The following PTPRG variants were observed in gnomAD, a reference collection of about 807,000 sequenced individuals.
The protein encoded by PTPRG is receptor-type tyrosine-protein phosphatase gamma.
A neutral mutation model predicts 165.3 loss-of-function variants in PTPRG; 102 were observed. The ratio of observed to expected loss-of-function variants is 0.62; its 90% CI spans 0.53 to 0.73. PTPRG has a LOEUF of 0.73. Ranked by LOEUF, PTPRG falls within the 30% of genes least tolerant of loss-of-function variation. PTPRG has a pLI of 0.00. For missense variants in PTPRG, 1,866 were observed against 1,861.4 expected (o/e 1.00, Z -0.05); for synonymous variants, 675 against 669.5 (o/e 1.01, Z -0.13).
intron 6 of PTPRG, among the ~76,000 whole-genome samples, chr3:62,140,295 T>C (rs1703874103): frequency 6.6e-6 from 1 of 151,930 alleles, no homozygotes; most frequent in Non-Finnish European, 1.5e-5. Context: ...CCAAGAAAAA[T>C]ATTGACAAAA....
At chr3:62,060,749 GT>G (rs1700781494) in intron 4 of PTPRG, among the ~76,000 whole-genome samples, 1 of 152,140 alleles carries the variant, frequency 6.6e-6, no homozygotes, top group African/African-American at 2.4e-5. Context: ...TGAAGTCATT[GT>G]TTTATCTCTA....
At chr3:62,098,861 G>C (rs1368844614) in intron 5 of PTPRG, among the ~76,000 whole-genome samples, 1 of 152,186 alleles carries the variant, frequency 6.6e-6, no homozygotes, top group African/African-American at 2.4e-5. Flanking sequence ...TAGAACTGAA[G>C]GGAATGCATA....
intron 7 of PTPRG, among the ~76,000 whole-genome samples, chr3:62,162,894 A>G (rs1479068037): frequency 6.6e-6 from 1 of 152,084 alleles, no homozygotes; most frequent in Non-Finnish European, 1.5e-5. Flanking sequence ...GCATTAGTCC[A>G]TTTTCACATT....
intron 17 of PTPRG, among the ~76,000 whole-genome samples, chr3:62,266,259 A>G (rs184121277): frequency 2.0e-5 from 3 of 152,290 alleles, no homozygotes; most frequent in East Asian, 3.9e-4. Context: ...ATGCCTTTTC[A>G]TAGCAAAGAA....
At chr3:62,193,296 G>T (rs1289386246) in intron 9 of PTPRG, among the ~76,000 whole-genome samples, 1 of 152,210 alleles carries the variant, frequency 6.6e-6, no homozygotes, top group African/African-American at 2.4e-5. Flanking sequence ...ATGGAGTGAA[G>T]ATTTCGCTCT....
At chr3:62,018,163 C>T (rs1331636722) in intron 4 of PTPRG, among the ~76,000 whole-genome samples, 1 of 152,170 alleles carries the variant, frequency 6.6e-6, no homozygotes. Context: ...GCTCCTTGAC[C>T]TCATAGAACC....
chr3:62,106,324 A>G (rs1305172737), intron 5 of PTPRG, among the ~76,000 whole-genome samples: 1 of 152,160 alleles, frequency 6.6e-6, no homozygotes, highest in Non-Finnish European at 1.5e-5. Flanking sequence ...ACATCTCAGC[A>G]GACACCATAC....
In PTPRG at chr3:61,992,817, C is replaced by T. The variant is rs184094179; in HGVS notation, c.370+3013C>T. 1.8e-3 allele frequency among the ~76,000 whole-genome samples: 281 copies of T among 152,090 alleles called. 2 individuals are homozygous for T. Among genetic ancestry groups the T allele is most frequent in the African/African-American group, 6.6e-3 (272 of 41,492 alleles). On this transcript the variant is annotated intron_variant, in intron 3 of 29. Transcript: ENST00000474889. ...GATTACAGGCGTGAGCCACCGTGCC[C>T]GGCCATGCCCGGCTAATTTTTGTAT...
chr3:61,919,341 A>G (rs932613630), intron 2 of PTPRG, among the ~76,000 whole-genome samples: 1 of 152,232 alleles, frequency 6.6e-6, no homozygotes, highest in Admixed American at 6.5e-5. Context: ...ATAGCAATAC[A>G]TCTAGAGAAT....
chr3:61,917,401 T>G (rs934609106), intron 2 of PTPRG, among the ~76,000 whole-genome samples: 1 of 152,232 alleles, frequency 6.6e-6, no homozygotes, highest in African/African-American at 2.4e-5. Flanking sequence ...CCACGTTGCC[T>G]GGCAGTTGCT....
At chr3:61,931,004 T>G (rs1223035978) in intron 2 of PTPRG, among the ~76,000 whole-genome samples, 1 of 152,180 alleles carries the variant, frequency 6.6e-6, no homozygotes, top group Non-Finnish European at 1.5e-5. Flanking sequence ...GAGGTTGCAG[T>G]GAGCTGAGAT....
intron 1 of PTPRG, among the ~76,000 whole-genome samples, chr3:61,737,534 G>A (rs1475629434): frequency 6.6e-6 from 1 of 152,176 alleles, no homozygotes; most frequent in African/African-American, 2.4e-5. Flanking sequence ...GAAGCACAAA[G>A]CTTGGGGAAT....
At chr3:62,265,302 C>G (rs575561011) in intron 17 of PTPRG, among the ~76,000 whole-genome samples, 35 of 152,216 alleles carry the variant, frequency 2.3e-4, no homozygotes, top group Admixed American at 2.1e-3. Context: ...TTTGGCTATT[C>G]TTTCAACAAT....
Position 62,297,050 on chromosome 3 carries a change from C to T in PTPRG, c.*3743C>T, listed in dbSNP as rs1358531637. On this transcript the variant is annotated 3_prime_UTR_variant, in exon 30 of 30. Transcript: ENST00000474889. ...TTGTTTCTAAAGAATTCTGGCTTCA[C>T]ATTGACTCATGTTTCTTTCACTCCA... 6.6e-6 allele frequency: 1 copy of T among 152,044 alleles called. No homozygotes were observed. The highest frequency in any genetic ancestry group is 1.5e-5 in the Non-Finnish European group (1 of 67,942). 9.4% of individuals were successfully genotyped at this position (152,044 alleles called of 1,614,324 possible). A position where few individuals can be genotyped will look rare whatever the true frequency, so the allele number is the denominator to read the frequency against.
rs532320691 is a variant in PTPRG, at chr3:62,044,281, G to C, written c.520-33882G>C. The stretch of plus-strand genomic sequence containing the variant: ...TGGCCGGGTGTGGTGGCTCACGCCT[G>C]TAATCCCAGCACTTTGGGAGGCTGA... On this transcript the variant is annotated intron_variant, in intron 4 of 29. Coordinates refer to ENST00000474889, the MANE Select transcript of PTPRG (RefSeq NM_002841.4). 1.9e-3 allele frequency among the ~76,000 whole-genome samples: 295 copies of C among 152,348 alleles called. 2 individuals carry two copies. The highest frequency in any genetic ancestry group is 6.8e-3 in the African/African-American group (284 of 41,586).
intron 1 of PTPRG, among the ~76,000 whole-genome samples, chr3:61,609,231 G>A (rs545446152): frequency 2.0e-5 from 3 of 152,254 alleles, no homozygotes; most frequent in East Asian, 1.9e-4. Flanking sequence ...TGTGTGGGTC[G>A]AATGAAGTTA....
intron 4 of PTPRG, among the ~76,000 whole-genome samples, chr3:62,060,356 A>G (rs1031705064): frequency 3.9e-5 from 6 of 152,148 alleles, no homozygotes; most frequent in Non-Finnish European, 8.8e-5. Flanking sequence ...GGCTACTGTT[A>G]CACTTCCTGC....
chr3:61,921,154 T>TCCTTCCTTCTTTCTTA (rs2039069723), intron 2 of PTPRG, among the ~76,000 whole-genome samples: 1 of 150,792 alleles, frequency 6.6e-6, no homozygotes, highest in South Asian at 2.1e-4. Flanking sequence ...CTTCCTTCCT[T>TCCTTCCTTCTTTCTTA]CCTTCCTTCT....
chr3:61,608,470 A>G (rs1009147245), intron 1 of PTPRG, among the ~76,000 whole-genome samples: 1 of 152,070 alleles, frequency 6.6e-6, no homozygotes, highest in Non-Finnish European at 1.5e-5. Flanking sequence ...AAGCCTGGGA[A>G]TCTGTATTCT....
Sources: allele counts gnomAD v4.1 joint callset (sites outside exome capture counted in the v4.1 genomes callset), GRCh38; gene constraint gnomAD v4.1.1; transcripts MANE v1.5; gene names NCBI Gene and HGNC (gene_info 2026-07-23, HGNC 2026-07-21).